Variants in CWH43 observed in about 807,000 individuals in gnomAD.
The protein encoded by CWH43 is PGAP2-interacting protein.
In CWH43, 91 loss-of-function variants were observed where a neutral mutation model predicts 85.7. The ratio of observed to expected loss-of-function variants is 1.06; its 90% CI spans 0.90 to 1.26. CWH43 has a LOEUF of 1.26. Among genes scored for constraint, CWH43 ranks in the 50% most tolerant of loss-of-function variants. The pLI, the probability that CWH43 is intolerant of heterozygous loss-of-function variation, is 0.00. For synonymous variants in CWH43, 323 were observed against 293.6 expected (o/e 1.10, Z -1.02); for missense variants, 869 against 839.2 (o/e 1.04, Z -0.44).
intron 13 of CWH43, among the ~76,000 whole-genome samples, chr4:49,040,865 T>G (rs1274947108): frequency 2.0e-5 from 3 of 152,242 alleles, no homozygotes; most frequent in Non-Finnish European, 4.4e-5. Flanking sequence ...TCTAGGGTTT[T>G]TATGGTTTTA....
rs181383728 is a variant in CWH43 at position 49,018,762 on chromosome 4, G to A, written c.1266+1434G>A. The stretch of plus-strand genomic sequence containing the variant: ...TTGAATTTTAGCAATCTGTACTAGC[G>A]GGAACATTTTTCATTTTGAATAAAA... On this transcript the variant is annotated intron_variant, in intron 9 of 15. Coordinates refer to ENST00000226432, the MANE Select transcript of CWH43 (RefSeq NM_025087.3). Among the ~76,000 whole-genome samples, 360 of 152,192 alleles carry A rather than the reference G, an allele frequency of 2.4e-3. 3 individuals carry two copies. The highest frequency in any genetic ancestry group is 8.0e-3 in the African/African-American group (331 of 41,508).
At chr4:49,046,368 T>A (rs765918146) in intron 14 of CWH43, among the ~76,000 whole-genome samples, 29 of 152,058 alleles carry the variant, frequency 1.9e-4, no homozygotes, top group Non-Finnish European at 3.5e-4. Flanking sequence ...CTAAATCCTC[T>A]TTATGTACTG....
In CWH43 at chr4:48,986,437, C is replaced by G; in HGVS notation, c.8C>G (p.Ser3Trp). 1.3e-6 allele frequency: 2 copies of G among 1,549,034 alleles called. No individual in the cohort carries two copies. Among genetic ancestry groups the G allele is most frequent in the Non-Finnish European group, 1.7e-6 (2 of 1,143,372 alleles). MP[S>W]LWREILLESL... ...CTGCCCCTCGCCGCGGCGATGCCCT[C>G]GCTGTGGAGAGAAATCCTCTTGGAG... is the stretch of plus-strand genomic sequence containing the variant. Residue 3 changes from serine (S) to tryptophan (W), a missense_variant, in exon 1 of 16, where the codon TCG (serine) becomes TGG (tryptophan). By Grantham distance (177) the Ser-to-Trp change is radical. This residue lies in a region of CWH43 where 140 missense variants were observed against 122.6 expected (regional missense o/e 1.14). Transcript: ENST00000226432.
chr4:49,038,381 A>G (rs1353960702), intron 13 of CWH43, among the ~76,000 whole-genome samples: 1 of 152,164 alleles, frequency 6.6e-6, no homozygotes, highest in African/African-American at 2.4e-5. Context: ...ACAGGGCTCA[A>G]TGGGGGTAGC....
Position 49,028,622 on chromosome 4 carries a change from T to G in CWH43, c.1267-7T>G. 1 of 1,606,246 alleles carries G rather than the reference T, an allele frequency of 6.2e-7. No homozygotes were observed. The highest frequency in any genetic ancestry group is 8.5e-7 in the Non-Finnish European group (1 of 1,174,954). On this transcript the variant is annotated splice_polypyrimidine_tract_variant and splice_region_variant and intron_variant, in intron 9 of 15. Coordinates refer to ENST00000226432, the MANE Select transcript of CWH43 (RefSeq NM_025087.3). ...CATCCTAAACTACCATTAAAACAAT[T>G]CCTCAGGCACCAACCAAAGAGGTCT...
chr4:48,998,642 C>A, intron 6 of CWH43, 94 bp downstream of exon 6: 1 of 910,170 alleles, frequency 1.1e-6, no homozygotes, highest in Non-Finnish European at 1.8e-6. Context: ...TAGATACAAC[C>A]ATACAAATAT....
At position 49,050,687 on chromosome 4, in the gene CWH43, G is replaced by A; in HGVS notation, c.1866-7G>A. 6.2e-7 allele frequency: 1 copy of A among 1,604,386 alleles called. No homozygotes were observed. Among genetic ancestry groups the A allele is most frequent in the Non-Finnish European group, 8.5e-7 (1 of 1,176,250 alleles). On this transcript the variant is annotated splice_polypyrimidine_tract_variant and splice_region_variant and intron_variant, in intron 14 of 15. Transcript: ENST00000226432. ...ACTGTTACAAACCATTTCTGTTTCT[G>A]CTACAGGTTGGGTTATGCAAGAATC...
At chr4:48,988,948 T>G (rs1193055302) in intron 2 of CWH43, among the ~76,000 whole-genome samples, 1 of 152,194 alleles carries the variant, frequency 6.6e-6, no homozygotes, top group Non-Finnish European at 1.5e-5. Flanking sequence ...TTGAATACAT[T>G]GTGTTTTTCT....
chr4:49,031,181 C>T, intron 11 of CWH43: 4 of 436,588 alleles, frequency 9.2e-6, no homozygotes, highest in Non-Finnish European at 1.6e-5. Flanking sequence ...ACCAATCAAT[C>T]TAGGAGCTGA....
rs1782500503 is a variant in CWH43 at position 48,986,527 on chromosome 4, C to G, written c.43+55C>G. On this transcript the variant is annotated intron_variant, in intron 1 of 15. Transcript: ENST00000226432. Reference sequence around the variant, plus strand: ...CGGGTGCCAGCTCCCCGGGCCATGTCCAGAGCCGTGGAGCCAGGCCAGGTT... The same window carrying G: ...CGGGTGCCAGCTCCCCGGGCCATGTGCAGAGCCGTGGAGCCAGGCCAGGTT... 1.7e-5 allele frequency: 27 copies of G among 1,547,350 alleles called. No homozygotes were observed. The South Asian group carries it at 3.0e-4, about 17-fold the overall frequency.
chr4:49,009,282 T>C (rs1783271843), intron 8 of CWH43, among the ~76,000 whole-genome samples: 2 of 152,192 alleles, frequency 1.3e-5, no homozygotes, highest in Admixed American at 1.3e-4. Flanking sequence ...TGTTTGTCTG[T>C]TATTGGTGTA....
chr4:49,007,197 A>G lies in CWH43; in HGVS notation c.1061-4A>G. The G allele has an allele frequency of 6.2e-7, 1 of 1,604,318 alleles. No homozygotes were observed. Among genetic ancestry groups the G allele is most frequent in the Non-Finnish European group, 8.5e-7 (1 of 1,176,948 alleles). On this transcript the variant is annotated splice_region_variant and splice_polypyrimidine_tract_variant and intron_variant, in intron 7 of 15. Transcript: ENST00000226432. ...TAACATATTCTTTCTTTCTCTTATAACAGGGACAATGATGTTAATTATCGG... is the reference window on the plus strand; with the variant it reads ...TAACATATTCTTTCTTTCTCTTATAGCAGGGACAATGATGTTAATTATCGG...
intron 15 of CWH43, among the ~76,000 whole-genome samples, chr4:49,056,683 T>G (rs554270828): frequency 3.3e-5 from 5 of 152,170 alleles, no homozygotes; most frequent in African/African-American, 1.2e-4. Context: ...ATATTTATTA[T>G]TTACTTCCTT....
At chr4:49,027,563 A>T (rs1216296060) in intron 9 of CWH43, among the ~76,000 whole-genome samples, 1 of 152,060 alleles carries the variant, frequency 6.6e-6, no homozygotes, top group African/African-American at 2.4e-5. Context: ...TTTTTTTGTC[A>T]GTACATAGTA....
intron 14 of CWH43, among the ~76,000 whole-genome samples, chr4:49,047,673 GGTT>G (rs1784669270): frequency 6.6e-6 from 1 of 152,098 alleles, no homozygotes. Context: ...GGCTGGAGAG[GGTT>G]GGGGTGGAGT....
intron 15 of CWH43, among the ~76,000 whole-genome samples, chr4:49,057,590 C>A (rs182396324): frequency 6.6e-5 from 10 of 152,064 alleles, no homozygotes; most frequent in Non-Finnish European, 1.0e-4. Context: ...GTATACTCTG[C>A]GGCTGTTGGG....
At chr4:49,040,282 A>G (rs1403597165) in intron 13 of CWH43, among the ~76,000 whole-genome samples, 12 of 152,194 alleles carry the variant, frequency 7.9e-5, no homozygotes, top group Admixed American at 2.6e-4. Context: ...GGCTGGGTCA[A>G]ATGGTATTTC....
intron 13 of CWH43, among the ~76,000 whole-genome samples, chr4:49,043,044 T>C (rs1200342587): frequency 2.0e-5 from 3 of 152,138 alleles, no homozygotes; most frequent in Non-Finnish European, 4.4e-5. Context: ...TCTCTTCTCA[T>C]GGTCTGTCAT....
chr4:48,992,353 C>T lies in CWH43; in HGVS notation c.511+263C>T, dbSNP rs1369392724. Among the ~76,000 whole-genome samples the T allele has an allele frequency of 1.3e-5, 2 of 152,134 alleles. No individual in the cohort carries two copies. Among genetic ancestry groups the T allele is most frequent in the Admixed American group, 6.6e-5 (1 of 15,254 alleles). On this transcript the variant is annotated intron_variant, in intron 4 of 15. Coordinates refer to ENST00000226432, the MANE Select transcript of CWH43 (RefSeq NM_025087.3). This position sits in a 1 kb window ranked among gnomAD's most constrained non-coding sequence, Gnocchi z 4.3. ...GCACTGTGGCAGTGGGAGACGAGAA[C>T]CAGGCCTCATATCCCAGCTGGCATT...
Sources: gnomAD v4.1 joint callset for allele counts (sites outside exome capture counted in the v4.1 genomes callset) on GRCh38, gnomAD v4.1.1 for gene constraint, gnomAD v4.1.1 regional missense constraint, Gnocchi (gnomAD v3.1) non-coding constraint, MANE v1.5 for transcripts, NCBI Gene and HGNC (gene_info 2026-07-23, HGNC 2026-07-21) for gene names.